Variants in ADAMTS6 observed in about 807,000 individuals in gnomAD.
The protein encoded by ADAMTS6 is ADAM metallopeptidase with thrombospondin type 1 motif 6, also known as A disintegrin and metalloproteinase with thrombospondin motifs 6.
Under a neutral mutation model 144.3 loss-of-function variants are expected in ADAMTS6, and 23 were observed. The ratio of observed to expected loss-of-function variants is 0.16; its 90% CI spans 0.11 to 0.23. The LOEUF (loss-of-function observed/expected upper bound fraction) is 0.23, where lower values mean the gene tolerates loss of function less well. ADAMTS6 is among the 10% of genes least tolerant of loss of function. The pLI is 1.00. For missense variants in ADAMTS6, 999 were observed against 1,379.6 expected (o/e 0.72, Z 4.37); for synonymous variants, 444 against 457.5 (o/e 0.97, Z 0.38).
At chr5:65,270,661 A>G (rs1213853709) in intron 12 of ADAMTS6, among the ~76,000 whole-genome samples, 1 of 152,154 alleles carries the variant, frequency 6.6e-6, no homozygotes, top group Non-Finnish European at 1.5e-5. Context: ...AACTTTATCT[A>G]TCTTCCAGGT....
chr5:65,393,331 A>G (rs1753077461), intron 7 of ADAMTS6, among the ~76,000 whole-genome samples: 1 of 152,220 alleles, frequency 6.6e-6, no homozygotes, highest in Admixed American at 6.5e-5. Flanking sequence ...TTTCTTTAAC[A>G]TAATCCTTCC....
chr5:65,391,206 C>A (rs1752884647), intron 7 of ADAMTS6, among the ~76,000 whole-genome samples: 1 of 152,078 alleles, frequency 6.6e-6, no homozygotes. Context: ...AGGTATGAAC[C>A]ACGAAGCCTG....
At position 65,376,252 on chromosome 5, in the gene ADAMTS6, A is replaced by C. The variant is rs576595452; in HGVS notation, c.1074-42167T>G. 1.3e-4 allele frequency among the ~76,000 whole-genome samples: 19 copies of C among 149,802 alleles called. No individual in the cohort carries two copies. In the South Asian group the frequency reaches 4.2e-3, roughly 33 times the overall value. Reference sequence around the variant, plus strand: ...ATTGTGCACATGTACCCTAAAACTTAAAGTAAAATAATAATAAAAAATAAA... The same window carrying C: ...ATTGTGCACATGTACCCTAAAACTTCAAGTAAAATAATAATAAAAAATAAA... On this transcript the variant is annotated intron_variant, in intron 7 of 24. Transcript: ENST00000381055.
In ADAMTS6 at chr5:65,259,218, TATAA is replaced by T. The variant is rs911994468; in HGVS notation, c.1830+1378_1830+1381del. Among the ~76,000 whole-genome samples, 30 of 124,954 alleles carry T rather than the reference TATAA, an allele frequency of 2.4e-4. 1 individual carries two copies. Among genetic ancestry groups the T allele is most frequent in the Admixed American group, 1.1e-3 (14 of 12,358 alleles). The allele number at this position is 124,954 out of a possible 152,430, so 82.0% of individuals were successfully genotyped here. On this transcript the variant is annotated intron_variant, in intron 14 of 24. Transcript: ENST00000381055. ...ACTAAAAAGTGTATATATATATATA[TATAA>T]AATTAGCCAGGTGTGGTGGCACACA...
chr5:65,204,356 C>A (rs1164910170), intron 20 of ADAMTS6, among the ~76,000 whole-genome samples: 4 of 152,068 alleles, frequency 2.6e-5, no homozygotes, highest in African/African-American at 9.7e-5. Flanking sequence ...TGTGAACCAA[C>A]CACGAACATG....
intron 7 of ADAMTS6, among the ~76,000 whole-genome samples, chr5:65,449,882 G>A (rs1353649606): frequency 6.6e-6 from 1 of 152,074 alleles, no homozygotes; most frequent in African/African-American, 2.4e-5. Flanking sequence ...GTCATTTGAG[G>A]CAAAAGGTAA....
intron 7 of ADAMTS6, among the ~76,000 whole-genome samples, chr5:65,431,184 T>G (rs1008960871): frequency 1.3e-5 from 2 of 152,174 alleles, no homozygotes; most frequent in African/African-American, 4.8e-5. Context: ...TTTTCCAGTC[T>G]TTCCGCTGCA....
chr5:65,442,649 T>C (rs993996880), intron 7 of ADAMTS6, among the ~76,000 whole-genome samples: 2 of 152,098 alleles, frequency 1.3e-5, no homozygotes, highest in Middle Eastern at 3.4e-3. Flanking sequence ...AAAAATACAA[T>C]TTTGGAAAAT....
chr5:65,437,872 C>T (rs1428315492), intron 7 of ADAMTS6, among the ~76,000 whole-genome samples: 1 of 152,100 alleles, frequency 6.6e-6, no homozygotes, highest in African/African-American at 2.4e-5. Context: ...GTTGAATCTG[C>T]AAACATGGAA....
intron 7 of ADAMTS6, among the ~76,000 whole-genome samples, chr5:65,386,373 T>A (rs1482495922): frequency 6.6e-6 from 1 of 152,204 alleles, no homozygotes; most frequent in African/African-American, 2.4e-5. Flanking sequence ...TATGGCAATA[T>A]CCTTGTACAC....
chr5:65,425,846 C>T (rs543274360), intron 7 of ADAMTS6, among the ~76,000 whole-genome samples: 1 of 151,480 alleles, frequency 6.6e-6, no homozygotes, highest in Non-Finnish European at 1.5e-5. Flanking sequence ...TCACTGCAAG[C>T]TCCGCCTCCT....
intron 11 of ADAMTS6, among the ~76,000 whole-genome samples, chr5:65,288,146 AC>A (rs1741878854): frequency 6.6e-6 from 1 of 152,178 alleles, no homozygotes; most frequent in East Asian, 1.9e-4. Context: ...ATATTAATGA[AC>A]CTACTCACTA....
At chr5:65,342,996 G>C (rs545559271) in intron 7 of ADAMTS6, among the ~76,000 whole-genome samples, 1 of 152,042 alleles carries the variant, frequency 6.6e-6, no homozygotes, top group African/African-American at 2.4e-5. Context: ...AACCGAGGAG[G>C]TGAAAAACCT....
At position 65,239,033 on chromosome 5, in the gene ADAMTS6, C is replaced by T. The variant is rs115360677; in HGVS notation, c.1933+3071G>A. 4.8e-3 allele frequency among the ~76,000 whole-genome samples: 723 copies of T among 152,058 alleles called. 2 individuals carry two copies. The highest frequency in any genetic ancestry group is 0.016 in the African/African-American group (674 of 41,474). Reference sequence around the variant, plus strand: ...ATGGAACTTAAACTACCTGTGTTCCCGCATATTCTCACTCATAGGTGGGAA... The same window carrying T: ...ATGGAACTTAAACTACCTGTGTTCCTGCATATTCTCACTCATAGGTGGGAA... On this transcript the variant is annotated intron_variant, in intron 15 of 24. Coordinates refer to ENST00000381055, the MANE Select transcript of ADAMTS6 (RefSeq NM_197941.4).
intron 7 of ADAMTS6, among the ~76,000 whole-genome samples, chr5:65,405,600 T>C (rs1254986229): frequency 6.6e-6 from 1 of 152,208 alleles, no homozygotes; most frequent in Non-Finnish European, 1.5e-5. Context: ...GCTTTGTTCT[T>C]TTGGCTTAGG....
At chr5:65,170,475 T>C (rs1753547592) in intron 24 of ADAMTS6, 142 bp downstream of exon 24, 1 of 924,466 alleles carries the variant, frequency 1.1e-6, no homozygotes, top group Non-Finnish European at 1.5e-6. Flanking sequence ...GGTTTCCTGA[T>C]TGCTGTCTGC....
intron 12 of ADAMTS6, 72 bp from the exon 13 acceptor site, chr5:65,263,034 G>A (rs1422837498): frequency 6.3e-7 from 1 of 1,589,862 alleles, no homozygotes; most frequent in African/African-American, 1.3e-5. Context: ...AATACATAAG[G>A]GTCAGGTACT....
chr5:65,470,685 TA>T, intron 3 of ADAMTS6, 92 bp downstream of exon 3: 3 of 1,039,222 alleles, frequency 2.9e-6, no homozygotes, highest in Non-Finnish European at 2.6e-6. Flanking sequence ...TACCTATATA[TA>T]TATATATTTT....
chr5:65,276,230 A>G (rs1762528207), intron 11 of ADAMTS6, among the ~76,000 whole-genome samples: 1 of 152,178 alleles, frequency 6.6e-6, no homozygotes, highest in Non-Finnish European at 1.5e-5. Context: ...TGAAAACTAG[A>G]TCTCCACTTC....
Sources: gnomAD v4.1 joint callset for allele counts (sites outside exome capture counted in the v4.1 genomes callset) on GRCh38, gnomAD v4.1.1 for gene constraint, MANE v1.5 for transcripts, NCBI Gene and HGNC (gene_info 2026-07-23, HGNC 2026-07-21) for gene names.